The following CAMTA1 variants were observed in gnomAD, a reference collection of about 807,000 sequenced individuals.
The protein encoded by CAMTA1 is calmodulin-binding transcription activator 1.
CAMTA1 carries 27 observed loss-of-function variants against 170.9 expected under a neutral mutation model. That is an observed-to-expected ratio of 0.16 (90% CI 0.12 to 0.22). CAMTA1 has a LOEUF of 0.22. Ranked by LOEUF, CAMTA1 falls within the 10% of genes least tolerant of loss-of-function variation. CAMTA1 has a pLI of 1.00. For missense variants in CAMTA1, 1,619 were observed against 2,217.2 expected, an observed-to-expected ratio of 0.73 and a Z score of 5.42; for synonymous variants, 833 against 891.5, an observed-to-expected ratio of 0.93 and a Z score of 1.17.
In CAMTA1 at chr1:7,681,244, A is replaced by C. The variant is rs2096202034; in HGVS notation, c.2914+3511A>C. 6.6e-6 allele frequency among the ~76,000 whole-genome samples: 1 copy of C among 152,150 alleles called. No homozygotes were observed. Among genetic ancestry groups the C allele is most frequent in the African/African-American group, 2.4e-5 (1 of 41,436 alleles). On this transcript the variant is annotated intron_variant, in intron 11 of 22. Coordinates refer to ENST00000303635, the MANE Select transcript of CAMTA1 (RefSeq NM_015215.4). This position sits in a 1 kb window ranked among gnomAD's most constrained non-coding sequence, Gnocchi z 4.6. ...GTTGGCACGTGGTGGGCTGCAGTAC[A>C]TATTTGTGATATGAATGCAGGCACA... is the stretch of plus-strand genomic sequence containing the variant.
At chr1:7,021,382 C>T (rs1701319533) in intron 3 of CAMTA1, among the ~76,000 whole-genome samples, 1 of 152,032 alleles carries the variant, frequency 6.6e-6, no homozygotes, top group South Asian at 2.1e-4. Context: ...CAGATGTGCC[C>T]TCATCGCTCA....
chr1:6,880,383 GTTTTTTTTTTTTTTTT>G (rs34745856), intron 3 of CAMTA1, among the ~76,000 whole-genome samples: 1 of 67,206 alleles, frequency 1.5e-5, no homozygotes, highest in Middle Eastern at 0.015. Flanking sequence ...CTCTAAAAGT[GTTTTTTTTTTTTTTTT>G]TTTTTTTTGA....
chr1:7,450,606 C>G (rs1050599724), intron 5 of CAMTA1, among the ~76,000 whole-genome samples: 11 of 152,242 alleles, frequency 7.2e-5, no homozygotes, highest in Admixed American at 6.5e-4. Context: ...CTGCAAGATT[C>G]AATACCGCCC....
rs117991802 is a variant in CAMTA1 at position 6,968,716 on chromosome 1, C to G, written c.235-122588C>G. Among the ~76,000 whole-genome samples the G allele has an allele frequency of 3.0e-3, 449 of 151,362 alleles. 5 individuals are homozygous for G. Among genetic ancestry groups the G allele is most frequent in the East Asian group, 0.017 (89 of 5,132 alleles). On this transcript the variant is annotated intron_variant, in intron 3 of 22. Coordinates refer to ENST00000303635, the MANE Select transcript of CAMTA1 (RefSeq NM_015215.4). ...GAAATTCTACCGTAGCAAGTGCTAT[C>G]TAAGTGGAGATCTGAAGATACCCTG...
At chr1:6,853,913 G>T (rs1054218323) in intron 3 of CAMTA1, among the ~76,000 whole-genome samples, 1 of 152,226 alleles carries the variant, frequency 6.6e-6, no homozygotes, top group South Asian at 2.1e-4. Context: ...AATACATAAA[G>T]CAAGAATTAA....
intron 5 of CAMTA1, among the ~76,000 whole-genome samples, chr1:7,466,715 A>G (rs1193236): frequency 0.56 from 84,695 of 151,976 alleles, 24,441 homozygotes; most frequent in African/African-American, 0.66. Flanking sequence ...CACCCCTTCT[A>G]GAGCGGATGC....
At chr1:7,037,561 C>T (rs948196067) in intron 3 of CAMTA1, among the ~76,000 whole-genome samples, 10 of 152,134 alleles carry the variant, frequency 6.6e-5, no homozygotes, top group South Asian at 2.1e-4. Context: ...AAAAACAGGC[C>T]GGGCGCGGTG....
At position 6,785,470 on chromosome 1, in the gene CAMTA1, G is replaced by T; in HGVS notation, c.-61G>T. 1 of 1,000,936 alleles carries T rather than the reference G, an allele frequency of 1.0e-6. No homozygotes were observed. The highest frequency in any genetic ancestry group is 1.2e-6 in the Non-Finnish European group (1 of 831,402). 62.0% of individuals were successfully genotyped at this position (1,000,936 alleles called of 1,614,324 possible). A position where few individuals can be genotyped will look rare whatever the true frequency, so the allele number is the denominator to read the frequency against. ...GTGCGCGGCGGCGGCGGGGTGGCTG[G>T]GCCGGCGGCGGCGGCGGTACGAGGC... On this transcript the variant is annotated 5_prime_UTR_variant, in exon 1 of 23. Coordinates refer to ENST00000303635, the MANE Select transcript of CAMTA1 (RefSeq NM_015215.4).
chr1:7,489,038 C>T (rs1000459051), intron 6 of CAMTA1, among the ~76,000 whole-genome samples: 1 of 152,236 alleles, frequency 6.6e-6, no homozygotes, highest in Admixed American at 6.5e-5. Flanking sequence ...AAGAGGGACA[C>T]AGAGCCTCTG....
chr1:7,636,030 G>A (rs2095709580), intron 6 of CAMTA1, among the ~76,000 whole-genome samples: 1 of 152,170 alleles, frequency 6.6e-6, no homozygotes, highest in Non-Finnish European at 1.5e-5. Flanking sequence ...GAAGCTGCCT[G>A]CTCCTGCATC....
intron 3 of CAMTA1, among the ~76,000 whole-genome samples, chr1:7,037,899 T>A (rs1411635733): frequency 1.4e-5 from 2 of 146,800 alleles, no homozygotes; most frequent in East Asian, 4.0e-4. Flanking sequence ...TAGGAATATA[T>A]ATATTGGTTT....
At chr1:7,287,078 A>C (rs1362758025) in intron 5 of CAMTA1, among the ~76,000 whole-genome samples, 1 of 152,190 alleles carries the variant, frequency 6.6e-6, no homozygotes, top group Non-Finnish European at 1.5e-5. Flanking sequence ...AGCAACTGCA[A>C]CTTTTTTTGG....
intron 5 of CAMTA1, among the ~76,000 whole-genome samples, chr1:7,449,721 A>G (rs573353290): frequency 2.0e-5 from 3 of 149,372 alleles, no homozygotes; most frequent in East Asian, 2.0e-4. Context: ...AGTGAGCCGA[A>G]ATAGTGCCAC....
At chr1:7,548,037 G>A (rs374802625) in intron 6 of CAMTA1, among the ~76,000 whole-genome samples, 7 of 152,206 alleles carry the variant, frequency 4.6e-5, no homozygotes, top group East Asian at 1.9e-4. Flanking sequence ...TGCTGGCCCC[G>A]ACTTAAGATG....
intron 1 of CAMTA1, among the ~76,000 whole-genome samples, chr1:6,790,355 TGTGA>T (rs1306223591): frequency 1.4e-5 from 2 of 143,902 alleles, no homozygotes; most frequent in Admixed American, 6.9e-5. Flanking sequence ...GTGTGCAGAG[TGTGA>T]GAGAGAGAGA....
intron 6 of CAMTA1, among the ~76,000 whole-genome samples, chr1:7,629,475 G>A (rs1053446460): frequency 5.3e-5 from 8 of 152,180 alleles, no homozygotes; most frequent in South Asian, 2.1e-4. Context: ...AGTCTCATAC[G>A]TTGACTGCCC....
intron 12 of CAMTA1, among the ~76,000 whole-genome samples, chr1:7,735,732 C>A (rs1577291385): frequency 6.6e-6 from 1 of 152,166 alleles, no homozygotes; most frequent in East Asian, 1.9e-4. Context: ...ACATTCTAGT[C>A]TCAATTTCAT....
At chr1:7,683,545 C>G (rs1196483983) in intron 11 of CAMTA1, among the ~76,000 whole-genome samples, 1 of 152,156 alleles carries the variant, frequency 6.6e-6, no homozygotes, top group Admixed American at 6.5e-5. Flanking sequence ...GCCCACCCCA[C>G]CGAGAGCTTT....
chr1:7,575,390 G>C (rs146736757), intron 6 of CAMTA1, among the ~76,000 whole-genome samples: 79 of 152,262 alleles, frequency 5.2e-4, no homozygotes, highest in African/African-American at 1.8e-3. Flanking sequence ...TGGGTCAGAC[G>C]TCCTCCCAGA....
Sources: gnomAD v4.1 joint callset for allele counts (sites outside exome capture counted in the v4.1 genomes callset) on GRCh38, gnomAD v4.1.1 for gene constraint, Gnocchi (gnomAD v3.1) non-coding constraint, MANE v1.5 for transcripts, NCBI Gene and HGNC (gene_info 2026-07-23, HGNC 2026-07-21) for gene names.